CXCL13: variants seen among roughly 807,000 people sequenced by gnomAD.
CXCL13 encodes C-X-C motif chemokine ligand 13.
CXCL13 carries 7 observed loss-of-function variants against 12.2 expected under a neutral mutation model. The observed-to-expected ratio is 0.57, with a 90% CI of 0.33 to 1.07. The LOEUF (loss-of-function observed/expected upper bound fraction) is 1.07. Ranked by LOEUF, CXCL13 falls within the 50% of genes least tolerant of loss-of-function variation. CXCL13 has a pLI of 0.04. For missense variants in CXCL13, 113 were observed against 127.4 expected, an observed-to-expected ratio of 0.89 and a Z score of 0.55; for synonymous variants, 47 against 42.4, an observed-to-expected ratio of 1.11 and a Z score of -0.42.
intron 1 of CXCL13, among the ~76,000 whole-genome samples, chr4:77,561,681 C>G (rs1725816243): frequency 2.0e-5 from 3 of 152,232 alleles, no homozygotes. Context: ...AGGGGCTGGA[C>G]TGGTCCTTGC....
intron 1 of CXCL13, among the ~76,000 whole-genome samples, chr4:77,517,595 T>G (rs1370154862): frequency 6.6e-6 from 1 of 152,214 alleles, no homozygotes; most frequent in Non-Finnish European, 1.5e-5. Context: ...CTTTGTTGGT[T>G]TAAAGTCTGT....
chr4:77,529,453 C>G (rs910829264), intron 1 of CXCL13, among the ~76,000 whole-genome samples: 1 of 152,036 alleles, frequency 6.6e-6, no homozygotes, highest in African/African-American at 2.4e-5. Context: ...CTTTTATTTC[C>G]TTGAGCAGTG....
At chr4:77,524,263 G>A (rs1020572801) in intron 1 of CXCL13, among the ~76,000 whole-genome samples, 1 of 152,190 alleles carries the variant, frequency 6.6e-6, no homozygotes, top group Non-Finnish European at 1.5e-5. Context: ...TCTCTCTTCA[G>A]AGAAGGCAGA....
intron 1 of CXCL13, among the ~76,000 whole-genome samples, chr4:77,600,456 T>A (rs757744592): frequency 7.2e-5 from 11 of 152,200 alleles, no homozygotes; most frequent in Non-Finnish European, 1.6e-4. Flanking sequence ...CTTTTATTTA[T>A]AATGTCCAGG....
At chr4:77,567,341 G>T (rs1725963543) in intron 1 of CXCL13, among the ~76,000 whole-genome samples, 1 of 152,180 alleles carries the variant, frequency 6.6e-6, no homozygotes, top group South Asian at 2.1e-4. Context: ...ATGCCTATTT[G>T]GTGGTCTCTT....
intron 1 of CXCL13, among the ~76,000 whole-genome samples, chr4:77,560,290 T>A (rs565176066): frequency 6.6e-6 from 1 of 152,264 alleles, no homozygotes; most frequent in African/African-American, 2.4e-5. Context: ...TAGTTCTTAT[T>A]GGAATCTGTG....
At chr4:77,519,398 C>G (rs1051603115) in intron 1 of CXCL13, among the ~76,000 whole-genome samples, 2 of 152,132 alleles carry the variant, frequency 1.3e-5, no homozygotes, top group African/African-American at 4.8e-5. Flanking sequence ...TGTTCCTATT[C>G]GGCCATCTTG....
intron 1 of CXCL13, among the ~76,000 whole-genome samples, chr4:77,535,215 CT>C (rs988327757): frequency 6.6e-6 from 1 of 152,182 alleles, no homozygotes; most frequent in Non-Finnish European, 1.5e-5. Flanking sequence ...CCTTTAGGAA[CT>C]CTGTTTTGCA....
intron 1 of CXCL13, among the ~76,000 whole-genome samples, chr4:77,541,871 G>A (rs967409643): frequency 6.6e-6 from 1 of 152,074 alleles, no homozygotes. Flanking sequence ...ATTTGTTTAT[G>A]ACATCTATGA....
chr4:77,512,868 T>C (rs1380335236), intron 1 of CXCL13, among the ~76,000 whole-genome samples: 2 of 152,160 alleles, frequency 1.3e-5, no homozygotes, highest in Non-Finnish European at 2.9e-5. Flanking sequence ...CGTGTTGGTG[T>C]GCTGCACCCA....
At chr4:77,574,770 G>A (rs1414923288) in intron 1 of CXCL13, among the ~76,000 whole-genome samples, 3 of 151,984 alleles carry the variant, frequency 2.0e-5, no homozygotes, top group Non-Finnish European at 4.4e-5. Context: ...TCCGTTGTGT[G>A]TGTGATGTCT....
intron 1 of CXCL13, among the ~76,000 whole-genome samples, chr4:77,592,353 C>T (rs1194912304): frequency 6.6e-6 from 1 of 152,076 alleles, no homozygotes; most frequent in African/African-American, 2.4e-5. Context: ...CATGTTCTCA[C>T]TTACATGTGG....
intron 1 of CXCL13, among the ~76,000 whole-genome samples, chr4:77,556,130 C>T (rs1725651435): frequency 6.6e-6 from 1 of 152,182 alleles, no homozygotes; most frequent in Non-Finnish European, 1.5e-5. Flanking sequence ...AAACATACAT[C>T]CATTCAGAGA....
In CXCL13 at chr4:77,607,774, C is replaced by T. The variant is rs371680233; in HGVS notation, c.136C>T (p.Arg46Cys). ...AGAGAGCTCAGTCTTTATCCCTAGA[C>T]GCTTCATTGATCGAATTCAAATCTT... Reference protein sequence around the residue: ...VQESSVFIPRRFIDRIQILPR... With the variant: ...VQESSVFIPRCFIDRIQILPR... The change falls in exon 2 of 4, where the codon CGC becomes TGC. Residue 46 changes from arginine (R) to cysteine (C), a missense_variant. Transcript: ENST00000682537. The T allele has an allele frequency of 6.4e-5, 104 of 1,613,948 alleles. 1 individual carries two copies. The highest frequency in any genetic ancestry group is 4.9e-4 in the Middle Eastern group (3 of 6,062).
intron 1 of CXCL13, among the ~76,000 whole-genome samples, chr4:77,570,565 C>A (rs191188371): frequency 1.7e-4 from 26 of 152,378 alleles, no homozygotes; most frequent in Middle Eastern, 3.4e-3. Flanking sequence ...ACTTTGGCAG[C>A]ACTTGAGGAG....
chr4:77,562,169 C>T (rs1222414960), intron 1 of CXCL13, among the ~76,000 whole-genome samples: 2 of 128,644 alleles, frequency 1.6e-5, no homozygotes, highest in Non-Finnish European at 3.3e-5. Context: ...CCCACCGCTG[C>T]CCCCACCCCC....
intron 1 of CXCL13, among the ~76,000 whole-genome samples, chr4:77,578,564 G>A (rs151329675): frequency 1.1e-4 from 17 of 152,300 alleles, no homozygotes; most frequent in Non-Finnish European, 1.9e-4. Flanking sequence ...GCCTTCTGTA[G>A]GGGGAAAGAG....
chr4:77,558,591 G>C (rs1033303907), intron 1 of CXCL13, among the ~76,000 whole-genome samples: 4 of 152,334 alleles, frequency 2.6e-5, no homozygotes, highest in South Asian at 2.1e-4. Context: ...GACCTCAGGT[G>C]ATCTGCCCGC....
chr4:77,522,765 G>C (rs915956497), intron 1 of CXCL13, among the ~76,000 whole-genome samples: 9 of 151,642 alleles, frequency 5.9e-5, no homozygotes, highest in African/African-American at 2.2e-4. Context: ...ATGTTAGCTG[G>C]CTATTTTGCC....
Sources: allele counts gnomAD v4.1 joint callset (sites outside exome capture counted in the v4.1 genomes callset), GRCh38; gene constraint gnomAD v4.1.1; transcripts MANE v1.5; gene names NCBI Gene and HGNC (gene_info 2026-07-23, HGNC 2026-07-21).